The following LMNTD2 variants were observed in gnomAD, a reference collection of about 807,000 sequenced individuals.
LMNTD2 encodes lamin tail domain-containing protein 2.
In LMNTD2, 83 loss-of-function variants were observed where a neutral mutation model predicts 70.1. The ratio of observed to expected loss-of-function variants is 1.18; its 90% CI spans 0.99 to 1.42. The LOEUF is 1.42. LMNTD2 is among the 40% of genes most tolerant of loss of function. LMNTD2 has a pLI of 0.00. For synonymous variants in LMNTD2, 534 were observed against 406.1 expected (o/e 1.31, Z -3.79); for missense variants, 1,153 against 905.9 (o/e 1.27, Z -3.50).
Position 556,860 on chromosome 11 carries a change from G to A in LMNTD2, c.951C>T (p.Ala317=), listed in dbSNP as rs762140212. The part of the protein sequence containing the change: ...RASSEQALVQ[A]GSYSRDSEDL... ...CTTCTGAGTCCCTGCTGTAGCTGCC[G>A]GCCTGCACCAGCGCTTGCTCGGAGG... is the stretch of plus-strand genomic sequence containing the variant. The change falls in exon 8 of 14, where the codon GCC becomes GCT. Residue 317 remains alanine, a synonymous_variant. Coordinates refer to ENST00000329451, the MANE Select transcript of LMNTD2 (RefSeq NM_173573.3). 5.0e-6 allele frequency: 8 copies of A among 1,586,130 alleles called. No individual in the cohort carries two copies. Among genetic ancestry groups the A allele is most frequent in the Non-Finnish European group, 6.9e-6 (8 of 1,166,048 alleles).
At chr11:559,900 C>T (rs1229213574) in intron 1 of LMNTD2, 2 of 411,418 alleles carry the variant, frequency 4.9e-6, no homozygotes, top group Non-Finnish European at 3.4e-6. Context: ...GCTGAAACTA[C>T]AGGCACCCGC....
At position 558,879 on chromosome 11, in the gene LMNTD2, C is replaced by A. The variant is rs771732418; in HGVS notation, c.135G>T (p.Pro45=). The stretch of plus-strand genomic sequence containing the variant: ...ACTGCGGGTCGGCAGAGCAGACCAC[C>A]GGTGCGGGGTGGGGCGTGGTGTCTG... ...CLPDTTPHPA[P]VVCSADPQLA... The change falls in exon 2 of 14, where the codon CCG becomes CCT. Residue 45 remains proline, a synonymous_variant. Coordinates refer to ENST00000329451, the MANE Select transcript of LMNTD2 (RefSeq NM_173573.3). 1.2e-6 allele frequency: 2 copies of A among 1,608,828 alleles called. No homozygotes were observed. The highest frequency in any genetic ancestry group is 1.7e-6 in the Non-Finnish European group (2 of 1,177,028).
chr11:556,059 C>T lies in LMNTD2; in HGVS notation c.1314G>A (p.Arg438=). Residue 438 remains arginine, a synonymous_variant, in exon 11 of 14, where the codon CGG becomes CGA. Transcript: ENST00000329451. ...AKKPLRASSS[R]EPVPLLSIRG... ...GGATGGAGAGGAGGGGAACGGGCTC[C>T]CGGCTCGAGGACGCGCGCAGCGGCT... The T allele has an allele frequency of 1.9e-6, 3 of 1,549,808 alleles. No homozygotes were observed. Among genetic ancestry groups the T allele is most frequent in the Non-Finnish European group, 2.6e-6 (3 of 1,158,724 alleles).
rs752500733 is a variant in LMNTD2 at position 560,712 on chromosome 11, C to G, written c.5G>C (p.Arg2Pro). Reference sequence around the variant, plus strand: ...ACGCCTGCCCGCGGGCCGCAGCCACCGCATTTCCGCGTTTTTCGCGGTAGG... The same window carrying G: ...ACGCCTGCCCGCGGGCCGCAGCCACGGCATTTCCGCGTTTTTCGCGGTAGG... The part of the protein sequence containing the change: M[R>P]WLRPAGRRRE... Residue 2 changes from arginine (R) to proline (P), a missense_variant, in exon 1 of 14, where the codon CGG becomes CCG. Physicochemically the swap from Arg to Pro is moderately radical, Grantham distance 103. Coordinates refer to ENST00000329451, the MANE Select transcript of LMNTD2 (RefSeq NM_173573.3). 2.8e-6 allele frequency: 4 copies of G among 1,438,126 alleles called. No homozygotes were observed. The highest frequency in any genetic ancestry group is 5.3e-5 in the Admixed American group (2 of 37,876). The allele number at this position is 1,438,126 out of a possible 1,614,324, so 89.1% of individuals were successfully genotyped here. A position where few individuals can be genotyped will look rare whatever the true frequency, so the allele number is the denominator to read the frequency against.
At chr11:557,219 A>G in intron 7 of LMNTD2, 122 bp from the exon 8 acceptor site, 1 of 1,430,460 alleles carries the variant, frequency 7.0e-7, no homozygotes, top group Non-Finnish European at 9.3e-7. Context: ...GGCTCAGTTC[A>G]TGGCAGGACA....
At chr11:559,280 C>T (rs769801128) in intron 1 of LMNTD2, 2 of 1,471,174 alleles carry the variant, frequency 1.4e-6, no homozygotes, top group African/African-American at 1.4e-5. Context: ...GGCCCTTTGC[C>T]TGTGATGTGG....
chr11:557,738 C>T (rs1852991163), intron 5 of LMNTD2, 98 bp from the exon 6 acceptor site: 6 of 1,587,246 alleles, frequency 3.8e-6, no homozygotes, highest in Admixed American at 3.5e-5. Flanking sequence ...CCTCCTGATT[C>T]CTCCCTGCTG....
chr11:555,064 C>T lies in LMNTD2; in HGVS notation c.1821G>A (p.Ser607=). Residue 607 remains serine (S), a synonymous_variant, in exon 14 of 14, where the codon TCG becomes TCA. Coordinates refer to ENST00000329451, the MANE Select transcript of LMNTD2 (RefSeq NM_173573.3). ...ATCTGCTCTCCGCCGTGTTCTGCAC[C>T]GACAGGGCCACCAGGGGGCAGCTAC... The part of the protein sequence containing the change: ...VDRSCPLVAL[S]VQNTAESRFG... 1 of 1,582,592 alleles carries T rather than the reference C, an allele frequency of 6.3e-7. No individual in the cohort carries two copies. The highest frequency in any genetic ancestry group is 1.1e-5 in the South Asian group (1 of 88,124).
Position 555,010 on chromosome 11 carries a change from C to T in LMNTD2, c.1875G>A (p.Pro625=), listed in dbSNP as rs374021224. ...RFGFRFLSCL[P]VTADTCRGA ...CGCCGCGGCAGGTGTCCGCGGTGAC[C>T]GGCAGGCAGCTGAGGAAGCGGAAGC... The change falls in exon 14 of 14, where the codon CCG becomes CCA. Residue 625 remains proline, a synonymous_variant. Transcript: ENST00000329451. 2.5e-6 allele frequency: 4 copies of T among 1,591,026 alleles called. No homozygotes were observed. Among genetic ancestry groups the T allele is most frequent in the Non-Finnish European group, 3.4e-6 (4 of 1,172,300 alleles).
In LMNTD2 at chr11:555,065, G is replaced by A. The variant is rs1259651935; in HGVS notation, c.1820C>T (p.Ser607Leu). ...VDRSCPLVAL[S>L]VQNTAESRFG... is the part of the protein sequence containing the mutation. Reference sequence around the variant, plus strand: ...TCTGCTCTCCGCCGTGTTCTGCACCGACAGGGCCACCAGGGGGCAGCTACG... The same window carrying A: ...TCTGCTCTCCGCCGTGTTCTGCACCAACAGGGCCACCAGGGGGCAGCTACG... The change falls in exon 14 of 14, where the codon TCG becomes TTG. Residue 607 changes from serine (S) to leucine (L), a missense_variant. Coordinates refer to ENST00000329451, the MANE Select transcript of LMNTD2 (RefSeq NM_173573.3). 1 of 1,582,902 alleles carries A rather than the reference G, an allele frequency of 6.3e-7. No homozygotes were observed. Among genetic ancestry groups the A allele is most frequent in the Non-Finnish European group, 8.6e-7 (1 of 1,168,122 alleles).
In LMNTD2 at chr11:555,370, A is replaced by G; in HGVS notation, c.1708T>C (p.Ser570Pro). 1 of 1,414,338 alleles carries G rather than the reference A, an allele frequency of 7.1e-7. No individual in the cohort carries two copies. The highest frequency in any genetic ancestry group is 9.2e-7 in the Non-Finnish European group (1 of 1,087,076). The allele number at this position is 1,414,338 out of a possible 1,614,324, so 87.6% of individuals were successfully genotyped here. The change falls in exon 13 of 14, where the codon TCG (serine) becomes CCG (proline). Residue 570 changes from serine (S) to proline (P), a missense_variant. Coordinates refer to ENST00000329451, the MANE Select transcript of LMNTD2 (RefSeq NM_173573.3). ...CCCAGCCCGGCCTCTGCGGGAGGCGACGGCAGGGTGGGGTCACCCGGGATG... is the reference window on the plus strand; with the variant it reads ...CCCAGCCCGGCCTCTGCGGGAGGCGGCGGCAGGGTGGGGTCACCCGGGATG... ...PAIPGDPTLP[S>P]PPAEAGLGLE...
Position 555,731 on chromosome 11 carries a change from C to G in LMNTD2, c.1574+3G>C, listed in dbSNP as rs1270937484. On this transcript the variant is annotated splice_donor_region_variant and intron_variant, in intron 12 of 13. Coordinates refer to ENST00000329451, the MANE Select transcript of LMNTD2 (RefSeq NM_173573.3). ...CCAGATCCCGGGGACCCGCGGTCCC[C>G]ACCCTGGTCTCCGGCGACTGACCCG... is the stretch of plus-strand genomic sequence containing the variant. The G allele has an allele frequency of 7.2e-7, 1 of 1,395,418 alleles. No individual in the cohort carries two copies. The highest frequency in any genetic ancestry group is 9.2e-7 in the Non-Finnish European group (1 of 1,086,342). The allele number at this position is 1,395,418 out of a possible 1,614,324, so 86.4% of individuals were successfully genotyped here.
chr11:560,513 CG>C lies in LMNTD2; in HGVS notation c.34+169del, dbSNP rs764185594. On this transcript the variant is annotated intron_variant, in intron 1 of 13. Coordinates refer to ENST00000329451, the MANE Select transcript of LMNTD2 (RefSeq NM_173573.3). Reference sequence around the variant, plus strand: ...CTGCGCGTCCAGACTACTGCAGCTGCGGTAGGCCCCAAAGGCTGGCCCGGGA... The same window carrying C: ...CTGCGCGTCCAGACTACTGCAGCTGCGTAGGCCCCAAAGGCTGGCCCGGGA... The C allele has an allele frequency of 4.2e-4, 527 of 1,269,844 alleles. 1 individual carries two copies. Among genetic ancestry groups the C allele is most frequent in the Non-Finnish European group, 5.1e-4 (508 of 1,000,454 alleles). The allele number at this position is 1,269,844 out of a possible 1,614,324, so 78.7% of individuals were successfully genotyped here.
chr11:557,884 C>T lies in LMNTD2; in HGVS notation c.555G>A (p.Glu185=). The T allele has an allele frequency of 6.4e-7, 1 of 1,564,464 alleles. No individual in the cohort carries two copies. The highest frequency in any genetic ancestry group is 8.7e-7 in the Non-Finnish European group (1 of 1,155,902). Residue 185 remains glutamate (E), a splice_region_variant and synonymous_variant, in exon 5 of 14, where the codon GAG becomes GAA. Coordinates refer to ENST00000329451, the MANE Select transcript of LMNTD2 (RefSeq NM_173573.3). ...RMLRSQTGSV[E]VVTAETLMDP... ...AGGAGGGCTTGGGGGACAGGCTCAC[C>T]TCCACACTGCCAGTCTGGGATCGTA...
chr11:556,668 C>T (rs1223043184), intron 8 of LMNTD2, 80 bp from the exon 9 acceptor site: 3 of 1,412,362 alleles, frequency 2.1e-6, no homozygotes, highest in East Asian at 2.5e-5. Flanking sequence ...CAGAACAGGC[C>T]TGCAACGCCT....
Position 554,876 on chromosome 11 carries a change from T to G in LMNTD2, c.*104A>C. The G allele has an allele frequency of 1.2e-6, 1 of 805,256 alleles. No individual in the cohort carries two copies. Among genetic ancestry groups the G allele is most frequent in the Non-Finnish European group, 1.8e-6 (1 of 548,378 alleles). 49.9% of individuals were successfully genotyped at this position (805,256 alleles called of 1,614,324 possible). ...CAGGTGTACAGAAATGCGGTTTACTTTGTAGGCCACGTTGGTTCAATAAAT... is the reference window on the plus strand; with the variant it reads ...CAGGTGTACAGAAATGCGGTTTACTGTGTAGGCCACGTTGGTTCAATAAAT... On this transcript the variant is annotated 3_prime_UTR_variant, in exon 14 of 14. Coordinates refer to ENST00000329451, the MANE Select transcript of LMNTD2 (RefSeq NM_173573.3).
chr11:554,938 G>T lies in LMNTD2; in HGVS notation c.*42C>A. On this transcript the variant is annotated 3_prime_UTR_variant, in exon 14 of 14. Coordinates refer to ENST00000329451, the MANE Select transcript of LMNTD2 (RefSeq NM_173573.3). Reference sequence around the variant, plus strand: ...CACAGCCCGCCCAGCCCCGGCGCCCGCCCGCGCCCTCCCTCGCGGTCCCGG... The same window carrying T: ...CACAGCCCGCCCAGCCCCGGCGCCCTCCCGCGCCCTCCCTCGCGGTCCCGG... The T allele has an allele frequency of 7.0e-7, 1 of 1,430,504 alleles. No homozygotes were observed. The highest frequency in any genetic ancestry group is 9.2e-7 in the Non-Finnish European group (1 of 1,089,586). 88.6% of individuals were successfully genotyped at this position (1,430,504 alleles called of 1,614,324 possible). A position where few individuals can be genotyped will look rare whatever the true frequency, so the allele number is the denominator to read the frequency against.
chr11:557,627 T>A lies in LMNTD2; in HGVS notation c.569A>T (p.Glu190Val). Residue 190 changes from glutamate to valine, a missense_variant, in exon 6 of 14, where the codon GAG (glutamate) becomes GTG (valine). Glu to Val is a moderately radical substitution (Grantham distance 121). Coordinates refer to ENST00000329451, the MANE Select transcript of LMNTD2 (RefSeq NM_173573.3). ...GAGGTCGCTTGGGTCCATCAGAGTC[T>A]CTGCCGTCACTACCTGCAAGAGGGG... ...QTGSVEVVTA[E>V]TLMDPSDLSE... 1 of 1,613,164 alleles carries A rather than the reference T, an allele frequency of 6.2e-7. No individual in the cohort carries two copies. Among genetic ancestry groups the A allele is most frequent in the East Asian group, 2.2e-5 (1 of 44,876 alleles).
chr11:556,026 G>A lies in LMNTD2; in HGVS notation c.1347C>T (p.Cys449=). ...CCTTGGGGCTCAGGAGCAGCGTCGC[G>A]CAGCCGCGGATGGAGAGGAGGGGAA... ...EPVPLLSIRG[C]ATLLLSPKGE... is the part of the protein sequence containing the mutation. Residue 449 remains cysteine, a synonymous_variant, in exon 11 of 14, where the codon TGC becomes TGT. Transcript: ENST00000329451. The A allele has an allele frequency of 4.5e-6, 7 of 1,557,044 alleles. No individual in the cohort carries two copies. The South Asian group carries it at 4.6e-5, about 10-fold the overall frequency.
Sources: gnomAD v4.1 joint callset for allele counts on GRCh38, gnomAD v4.1.1 for gene constraint, MANE v1.5 for transcripts, NCBI Gene and HGNC (gene_info 2026-07-23, HGNC 2026-07-21) for gene names.